The following ZNF112 variants were observed in gnomAD, a reference collection of about 807,000 sequenced individuals.
ZNF112 encodes zinc finger protein 112 (Y14).
A neutral mutation model predicts 77.7 loss-of-function variants in ZNF112; 37 were observed. That is an observed-to-expected ratio of 0.48 (90% confidence interval 0.37 to 0.63). The LOEUF is 0.63. ZNF112 is among the 20% of genes least tolerant of loss of function. The pLI, the probability that ZNF112 is intolerant of heterozygous loss-of-function variation, is 0.00. For synonymous variants in ZNF112, 333 were observed against 363.6 expected, an observed-to-expected ratio of 0.92 and a Z score of 0.96; for missense variants, 950 against 1,077.4, an observed-to-expected ratio of 0.88 and a Z score of 1.66.
At chr19:44,341,983 A>G (rs1312572954) in intron 1 of ZNF112, among the ~76,000 whole-genome samples, 2 of 146,064 alleles carry the variant, frequency 1.4e-5, no homozygotes, top group Non-Finnish European at 3.0e-5. Context: ...AGTTGGCCCA[A>G]TGCTTATCTT....
At chr19:44,343,331 A>C in intron 1 of ZNF112, 5 of 1,329,082 alleles carry the variant, frequency 3.8e-6, no homozygotes, top group Non-Finnish European at 5.3e-6. Flanking sequence ...GTAATACGAA[A>C]GAAGCCATGA....
chr19:44,363,742 C>T lies in ZNF112; in HGVS notation c.17+3339G>A, dbSNP rs1006353103. Among the ~76,000 whole-genome samples, 9 of 152,044 alleles carry T rather than the reference C, an allele frequency of 5.9e-5. No individual in the cohort carries two copies. In the South Asian group the frequency reaches 6.2e-4, roughly 11 times the overall value. On this transcript the variant is annotated intron_variant, in intron 1 of 4. Transcript: ENST00000588057. ...CAGCATACTTATAAAAGTCTTTTTG[C>T]GTGCATGTGCTTTCTTTTCTCTGGA...
At chr19:44,352,387 T>G (rs1970709539) in intron 1 of ZNF112, among the ~76,000 whole-genome samples, 1 of 152,116 alleles carries the variant, frequency 6.6e-6, no homozygotes, top group Non-Finnish European at 1.5e-5. Flanking sequence ...ACAGAACTTT[T>G]GCAGACTAAA....
At chr19:44,330,205 G>A (rs949158744) in intron 3 of ZNF112, among the ~76,000 whole-genome samples, 1 of 152,114 alleles carries the variant, frequency 6.6e-6, no homozygotes, top group Non-Finnish European at 1.5e-5. Context: ...ATACTCATTG[G>A]AGTATTTCAG....
At chr19:44,356,760 A>G (rs1035624606), upstream of ZNF112, 1 of 152,046 alleles carries the variant, frequency 6.6e-6, no homozygotes, top group African/African-American at 2.4e-5. Context: ...CTAGAGCGGA[A>G]GTTACCCGAC....
At chr19:44,356,108 C>T (rs1970781751) in intron 1 of ZNF112, among the ~76,000 whole-genome samples, 1 of 152,178 alleles carries the variant, frequency 6.6e-6, no homozygotes, top group African/African-American at 2.4e-5. Flanking sequence ...TACTCTGCAG[C>T]TGGAGCTCTG....
At position 44,328,796 on chromosome 19, in the gene ZNF112, T is replaced by C; in HGVS notation, c.1361A>G (p.Asp454Gly). ...NGFSLASHFQ[D>G]LQIVHTKEQP... ...TTCCTTAGTGTGGACTATCTGAAGG[T>C]CCTGAAAATGTGAGGCCAGACTGAA... Residue 454 changes from aspartate (D) to glycine (G), a missense_variant, in exon 4 of 4, where the codon GAC becomes GGC. By Grantham distance (94) the Asp-to-Gly change is moderately conservative. Coordinates refer to ENST00000354340, the MANE Select transcript of ZNF112 (RefSeq NM_013380.4). 6.2e-7 allele frequency: 1 copy of C among 1,614,078 alleles called. No homozygotes were observed. The highest frequency in any genetic ancestry group is 8.5e-7 in the Non-Finnish European group (1 of 1,179,986).
chr19:44,366,571 G>A (rs1445219074), intron 1 of ZNF112, among the ~76,000 whole-genome samples: 1 of 152,120 alleles, frequency 6.6e-6, no homozygotes, highest in Non-Finnish European at 1.5e-5. Flanking sequence ...CGAGAAATCA[G>A]AACTGTGTCT....
intron 1 of ZNF112, among the ~76,000 whole-genome samples, chr19:44,354,236 G>T (rs1341376445): frequency 6.6e-6 from 1 of 152,192 alleles, no homozygotes; most frequent in African/African-American, 2.4e-5. Flanking sequence ...TATGAGGGAA[G>T]ACATGAGGGG....
At chr19:44,329,989 G>A (rs1599911262) in intron 3 of ZNF112, 53 bp from the exon 4 acceptor site, 1 of 1,395,958 alleles carries the variant, frequency 7.2e-7, no homozygotes, top group Non-Finnish European at 9.7e-7. Flanking sequence ...TTATTCAAGA[G>A]ATTTGAAGAT....
intron 1 of ZNF112, among the ~76,000 whole-genome samples, chr19:44,354,674 A>G (rs867136727): frequency 1.8e-4 from 27 of 152,226 alleles, no homozygotes; most frequent in African/African-American, 6.5e-4. Context: ...TACTCTAACC[A>G]TAAACCCTTA....
chr19:44,359,669 A>G (rs1970835793), upstream of ZNF112, among the ~76,000 whole-genome samples: 1 of 152,114 alleles, frequency 6.6e-6, no homozygotes, highest in Non-Finnish European at 1.5e-5. Context: ...CAACTCTACA[A>G]TATGCTAATT....
upstream of ZNF112, among the ~76,000 whole-genome samples, chr19:44,357,928 T>C (rs2571065): frequency 0.76 from 115,180 of 151,874 alleles, 43,983 homozygotes; most frequent in African/African-American, 0.85. Flanking sequence ...TCTGTGAAAA[T>C]GCTCACGGGG....
Position 44,353,200 on chromosome 19 carries a change from G to C in ZNF112, c.-4+3426C>G, listed in dbSNP as rs186501531. Among the ~76,000 whole-genome samples the C allele has an allele frequency of 7.1e-4, 108 of 152,118 alleles. 1 individual carries two copies. Among genetic ancestry groups the C allele is most frequent in the Non-Finnish European group, 1.6e-4 (11 of 67,924 alleles). On this transcript the variant is annotated intron_variant, in intron 1 of 3. Coordinates refer to ENST00000354340, the MANE Select transcript of ZNF112 (RefSeq NM_013380.4). ...CAAACAAGTGGTGTTGGGATGGTTG[G>C]TCATTCATATGTAAAGAAATAAAAC...
intron 1 of ZNF112, among the ~76,000 whole-genome samples, chr19:44,363,751 G>A (rs1230761052): frequency 1.3e-5 from 2 of 152,116 alleles, no homozygotes; most frequent in Non-Finnish European, 1.5e-5. Context: ...GCGTGCATGT[G>A]CTTTCTTTTC....
intron 1 of ZNF112, among the ~76,000 whole-genome samples, chr19:44,344,611 T>G (rs1970554304): frequency 6.6e-6 from 1 of 152,174 alleles, no homozygotes. Flanking sequence ...ATTTATGGAT[T>G]GCCTTCTAAA....
chr19:44,355,067 CAA>C (rs921832202), intron 1 of ZNF112, among the ~76,000 whole-genome samples: 1 of 143,684 alleles, frequency 7.0e-6, no homozygotes. Flanking sequence ...AATACTGAAA[CAA>C]AAAAAAAAGG....
intron 1 of ZNF112, among the ~76,000 whole-genome samples, chr19:44,365,159 T>C (rs562154023): frequency 1.2e-3 from 176 of 152,068 alleles, no homozygotes; most frequent in African/African-American, 3.8e-3. Context: ...AGTTTTGAAA[T>C]ATATATCAGG....
intron 3 of ZNF112, among the ~76,000 whole-genome samples, chr19:44,336,274 T>C (rs906029261): frequency 3.9e-5 from 6 of 152,154 alleles, no homozygotes; most frequent in Non-Finnish European, 5.9e-5. Flanking sequence ...TCAGGGTGAA[T>C]TGAAGAGAGC....
Sources: gnomAD v4.1 joint callset for allele counts (sites outside exome capture counted in the v4.1 genomes callset) on GRCh38, gnomAD v4.1.1 for gene constraint, MANE v1.5 for transcripts, NCBI Gene and HGNC (gene_info 2026-07-23, HGNC 2026-07-21) for gene names.